VAT1L: variants seen among roughly 807,000 people sequenced by gnomAD.
VAT1L encodes vesicle amine transport 1 like, also known as putative NADPH-dependent quinone oxidoreductase VAT1L.
A neutral mutation model predicts 44.1 loss-of-function variants in VAT1L; 34 were observed. That is an observed-to-expected ratio of 0.77 (90% confidence interval 0.59 to 1.03). The LOEUF (loss-of-function observed/expected upper bound fraction) is 1.03. Ranked by LOEUF, VAT1L falls within the 50% of genes least tolerant of loss-of-function variation. The pLI, the probability that VAT1L is intolerant of heterozygous loss-of-function variation, is 0.00. For synonymous variants in VAT1L, 253 were observed against 202.2 expected (o/e 1.25, Z -2.13); for missense variants, 615 against 538.8 (o/e 1.14, Z -1.40).
intron 7 of VAT1L, among the ~76,000 whole-genome samples, chr16:77,916,979 T>TA (rs1225566478): frequency 6.6e-6 from 1 of 152,140 alleles, no homozygotes; most frequent in Non-Finnish European, 1.5e-5. Flanking sequence ...TTTTGACTTC[T>TA]AAAAAAATCA....
At chr16:77,949,819 A>C (rs1029207947) in intron 7 of VAT1L, among the ~76,000 whole-genome samples, 2 of 152,208 alleles carry the variant, frequency 1.3e-5, no homozygotes, top group Non-Finnish European at 2.9e-5. Flanking sequence ...ATAACAACAC[A>C]AAGGGACTAA....
At chr16:77,926,676 T>C (rs547978151) in intron 7 of VAT1L, among the ~76,000 whole-genome samples, 1 of 152,250 alleles carries the variant, frequency 6.6e-6, no homozygotes, top group South Asian at 2.1e-4. Flanking sequence ...TATTTCAGGA[T>C]AAAAACTAAG....
intron 5 of VAT1L, among the ~76,000 whole-genome samples, chr16:77,877,470 G>A (rs979080600): frequency 4.5e-5 from 6 of 133,650 alleles, no homozygotes; most frequent in Non-Finnish European, 6.2e-5. Context: ...CCGAGACCGC[G>A]CCAGTGCACT....
chr16:77,877,234 G>A (rs2017097194), intron 5 of VAT1L, among the ~76,000 whole-genome samples: 1 of 152,074 alleles, frequency 6.6e-6, no homozygotes, highest in African/African-American at 2.4e-5. Flanking sequence ...CCACAGGCCG[G>A]GCGCAGTGGC....
At chr16:77,946,276 G>GCTCTTTT (rs1441996306) in intron 7 of VAT1L, among the ~76,000 whole-genome samples, 106 of 33,870 alleles carry the variant, frequency 3.1e-3, no homozygotes, top group Admixed American at 4.7e-3. Context: ...TAGGTTACTT[G>GCTCTTTT]TTCTTTTTTT....
At chr16:77,950,409 AACACACACAC>A (rs61168492) in intron 7 of VAT1L, among the ~76,000 whole-genome samples, 6,568 of 131,434 alleles carry the variant, frequency 0.05, 508 homozygotes, top group African/African-American at 0.18. Context: ...ATTCCATCTA[AACACACACAC>A]ACACACACAC....
chr16:77,876,313 T>A (rs1464673328), intron 4 of VAT1L, 57 bp from the exon 5 acceptor site: 7 of 1,438,758 alleles, frequency 4.9e-6, no homozygotes, highest in African/African-American at 2.8e-5. Context: ...AGGAAAGGGA[T>A]TGACAGTCTG....
intron 1 of VAT1L, among the ~76,000 whole-genome samples, chr16:77,811,308 C>G (rs2016261089): frequency 6.6e-6 from 1 of 152,170 alleles, no homozygotes; most frequent in Non-Finnish European, 1.5e-5. Flanking sequence ...CACTTTTAAC[C>G]TCAAATTGGA....
intron 2 of VAT1L, among the ~76,000 whole-genome samples, chr16:77,822,747 T>C (rs183747427): frequency 1.3e-5 from 2 of 152,130 alleles, no homozygotes; most frequent in Non-Finnish European, 2.9e-5. Context: ...TCACATTGAT[T>C]AATTACTTGC....
At chr16:77,844,291 A>T (rs1303570044) in intron 3 of VAT1L, among the ~76,000 whole-genome samples, 1 of 152,236 alleles carries the variant, frequency 6.6e-6, no homozygotes, top group African/African-American at 2.4e-5. Context: ...ATAGTATAAC[A>T]GCTTGTGTAC....
chr16:77,847,095 A>ACGGT (rs1463827546), intron 3 of VAT1L, among the ~76,000 whole-genome samples: 1 of 152,214 alleles, frequency 6.6e-6, no homozygotes, highest in Non-Finnish European at 1.5e-5. Flanking sequence ...TGCAAAATGC[A>ACGGT]GCATTTCATT....
At chr16:77,837,697 T>A (rs745642180) in intron 3 of VAT1L, among the ~76,000 whole-genome samples, 1 of 152,162 alleles carries the variant, frequency 6.6e-6, no homozygotes, top group Admixed American at 6.5e-5. Context: ...GCTTCTCTGG[T>A]TTCCAGGTGA....
intron 7 of VAT1L, chr16:77,892,753 G>GT (rs1285934705): frequency 6.6e-6 from 5 of 760,082 alleles, no homozygotes; most frequent in Non-Finnish European, 1.2e-5. Flanking sequence ...ATGGTTTCTA[G>GT]TTTTTCATCT....
chr16:77,897,973 G>A (rs1046284379), intron 7 of VAT1L, among the ~76,000 whole-genome samples: 2 of 152,180 alleles, frequency 1.3e-5, no homozygotes, highest in Non-Finnish European at 2.9e-5. Flanking sequence ...TGTTGTCTCA[G>A]CGTTCTGGAG....
At chr16:77,930,331 G>C (rs540682622) in intron 7 of VAT1L, among the ~76,000 whole-genome samples, 6 of 152,136 alleles carry the variant, frequency 3.9e-5, no homozygotes, top group Non-Finnish European at 8.8e-5. Context: ...TTCTTTGGGG[G>C]GACATGGCTT....
intron 6 of VAT1L, among the ~76,000 whole-genome samples, chr16:77,883,825 A>G (rs1019628542): frequency 6.6e-6 from 1 of 151,938 alleles, no homozygotes; most frequent in Non-Finnish European, 1.5e-5. Context: ...CCTTATCAAA[A>G]CCACTCCCCC....
chr16:77,789,052 A>G, intron 1 of VAT1L, 137 bp downstream of exon 1: 4 of 1,106,712 alleles, frequency 3.6e-6, no homozygotes, highest in Non-Finnish European at 4.9e-6. Context: ...CCCGGGTCTC[A>G]GAGCCTCCCC....
intron 6 of VAT1L, among the ~76,000 whole-genome samples, chr16:77,880,646 C>T (rs576735354): frequency 1.7e-5 from 2 of 115,412 alleles, no homozygotes; most frequent in South Asian, 6.2e-4. Flanking sequence ...CAGGAGGTAC[C>T]TGTGCAGGTT....
chr16:77,910,836 T>C (rs192601947), intron 7 of VAT1L, among the ~76,000 whole-genome samples: 1 of 152,200 alleles, frequency 6.6e-6, no homozygotes, highest in Admixed American at 6.5e-5. Flanking sequence ...TTATTAGACA[T>C]TTGTTCAGTA....
Sources: allele counts gnomAD v4.1 joint callset (sites outside exome capture counted in the v4.1 genomes callset), GRCh38; gene constraint gnomAD v4.1.1; transcripts MANE v1.5; gene names NCBI Gene and HGNC (gene_info 2026-07-23, HGNC 2026-07-21).